Variants in BTG4 observed in about 807,000 individuals in gnomAD.
The protein encoded by BTG4 is protein BTG4.
A neutral mutation model predicts 19.3 loss-of-function variants in BTG4; 10 were observed. The ratio of observed to expected loss-of-function variants is 0.52; its 90% CI spans 0.32 to 0.88. The LOEUF is 0.88. Among genes scored for constraint, BTG4 ranks in the 40% least tolerant of loss-of-function variants. BTG4 has a pLI of 0.04. For missense variants in BTG4, 238 were observed against 281.9 expected, an observed-to-expected ratio of 0.84 and a Z score of 1.11; for synonymous variants, 91 against 95.7, an observed-to-expected ratio of 0.95 and a Z score of 0.29.
the BTG4 span, chr11:111,397,666 G>T: frequency 5.3e-5 from 8 of 152,208 alleles, no homozygotes; most frequent in African/African-American, 1.9e-4. Flanking sequence ...GCGGGGGTAA[G>T]GGGCAGTATC....
chr11:111,451,041 C>G, the BTG4 span: 13 of 181,236 alleles, frequency 7.2e-5, no homozygotes, highest in South Asian at 1.4e-3. Context: ...CTGCTGCCCC[C>G]AGAGCCAGGC....
chr11:111,472,078 G>A (rs1478108831), intron 5 of BTG4, among the ~76,000 whole-genome samples: 1 of 152,160 alleles, frequency 6.6e-6, no homozygotes, highest in South Asian at 2.1e-4. Context: ...GCTTCCTCAA[G>A]TCCACCCTTG....
chr11:111,500,147 A>T (rs552574242), intron 1 of BTG4, among the ~76,000 whole-genome samples: 80 of 150,200 alleles, frequency 5.3e-4, no homozygotes, highest in Admixed American at 1.8e-3. Flanking sequence ...GTCTCAAAAA[A>T]TAAAAATAAA....
chr11:111,503,295 G>T (rs1866216859), intron 1 of BTG4, among the ~76,000 whole-genome samples: 1 of 152,162 alleles, frequency 6.6e-6, no homozygotes, highest in Non-Finnish European at 1.5e-5. Flanking sequence ...TTCAGATTGA[G>T]GTATACTGAG....
At chr11:111,429,798 CCCA>C in the BTG4 span, among the ~76,000 whole-genome samples, 1 of 152,198 alleles carries the variant, frequency 6.6e-6, no homozygotes, top group African/African-American at 2.4e-5. Flanking sequence ...GGGCAACTCC[CCCA>C]CTTCAATTCT....
At chr11:111,402,201 C>A in the BTG4 span, among the ~76,000 whole-genome samples, 2 of 45,268 alleles carry the variant, frequency 4.4e-5, no homozygotes, top group African/African-American at 1.9e-4. Flanking sequence ...TTGCCTGATG[C>A]CATGTAAGAT....
chr11:111,460,555 C>G, the BTG4 span, among the ~76,000 whole-genome samples: 1 of 151,802 alleles, frequency 6.6e-6, no homozygotes, highest in African/African-American at 2.4e-5. Context: ...GTTAAGAAAG[C>G]TCAGGGGAGG....
chr11:111,455,261 C>A, the BTG4 span: 104 of 352,288 alleles, frequency 3.0e-4, no homozygotes, highest in African/African-American at 2.0e-3. Context: ...TCCCCTTTGC[C>A]GCTGCTGCCA....
chr11:111,401,747 C>T, the BTG4 span, among the ~76,000 whole-genome samples: 2 of 152,206 alleles, frequency 1.3e-5, no homozygotes, highest in African/African-American at 4.8e-5. Context: ...CATGGCCTCA[C>T]TGTCTTTGTT....
At chr11:111,462,598 G>C (rs73553257), downstream of BTG4, among the ~76,000 whole-genome samples, 1 of 152,200 alleles carries the variant, frequency 6.6e-6, no homozygotes, top group African/African-American at 2.4e-5. Flanking sequence ...CCCTGACTCC[G>C]ATAATCTATT....
At chr11:111,427,112 C>A in the BTG4 span, among the ~76,000 whole-genome samples, 1 of 152,220 alleles carries the variant, frequency 6.6e-6, no homozygotes, top group Non-Finnish European at 1.5e-5. Flanking sequence ...TCTATTGGAA[C>A]ATCTCTTTTC....
At chr11:111,439,229 G>C in the BTG4 span, among the ~76,000 whole-genome samples, 2 of 152,208 alleles carry the variant, frequency 1.3e-5, no homozygotes, top group Non-Finnish European at 2.9e-5. Context: ...CTTTTGATGG[G>C]TTCTGGAACT....
At chr11:111,456,180 C>T in the BTG4 span, among the ~76,000 whole-genome samples, 7 of 152,186 alleles carry the variant, frequency 4.6e-5, no homozygotes, top group Admixed American at 1.3e-4. The surrounding 1 kb of genome is among the most constrained non-coding windows in gnomAD (Gnocchi z 4.2). Flanking sequence ...TGAAGGCAAA[C>T]GGCCAAGTTT....
At chr11:111,391,410 A>T in the BTG4 span, among the ~76,000 whole-genome samples, 1 of 152,218 alleles carries the variant, frequency 6.6e-6, no homozygotes, top group Admixed American at 6.5e-5. Flanking sequence ...GTGAGGCTCA[A>T]GGAAGTGTAG....
chr11:111,476,650 C>T (rs1864414967), intron 5 of BTG4, among the ~76,000 whole-genome samples: 1 of 152,010 alleles, frequency 6.6e-6, no homozygotes, highest in Admixed American at 6.6e-5. Context: ...TTAAAAATAC[C>T]TCATTAGTTA....
chr11:111,450,454 G>A, the BTG4 span: 1 of 152,656 alleles, frequency 6.6e-6, no homozygotes, highest in Non-Finnish European at 1.5e-5. Context: ...TGGTAAGAGA[G>A]CTGGACAGAT....
At chr11:111,415,197 C>T in the BTG4 span, among the ~76,000 whole-genome samples, 1 of 152,146 alleles carries the variant, frequency 6.6e-6, no homozygotes, top group Non-Finnish European at 1.5e-5. Flanking sequence ...CTCTGCAAAG[C>T]CCTGTTATTG....
At chr11:111,404,513 G>A in the BTG4 span, 1 of 449,328 alleles carries the variant, frequency 2.2e-6, no homozygotes, top group Non-Finnish European at 4.5e-6. Context: ...CCATGAAACA[G>A]GGGGCAGGGA....
chr11:111,452,147 CCT>C, the BTG4 span, among the ~76,000 whole-genome samples: 2 of 152,306 alleles, frequency 1.3e-5, no homozygotes, highest in African/African-American at 4.8e-5. Context: ...TTAGTATCTC[CCT>C]GTCAGCACAA....
Sources: allele counts gnomAD v4.1 joint callset (sites outside exome capture counted in the v4.1 genomes callset), GRCh38; gene constraint gnomAD v4.1.1; non-coding constraint Gnocchi (gnomAD v3.1); transcripts MANE v1.5; gene names NCBI Gene and HGNC (gene_info 2026-07-23, HGNC 2026-07-21).